SLC48A1: variants seen among roughly 807,000 people sequenced by gnomAD.
SLC48A1 encodes solute carrier family 48 member 1.
A neutral mutation model predicts 14.8 loss-of-function variants in SLC48A1; 6 were observed. That is an observed-to-expected ratio of 0.41 (90% confidence interval 0.22 to 0.80). The LOEUF is 0.80. Ranked by LOEUF, SLC48A1 falls within the 30% of genes least tolerant of loss-of-function variation. The pLI is 0.34. For synonymous variants in SLC48A1, 89 were observed against 90.0 expected (o/e 0.99, Z 0.06); for missense variants, 165 against 204.8 (o/e 0.81, Z 1.19).
Position 47,779,108 on chromosome 12 carries a change from G to C in SLC48A1, c.217G>C (p.Gly73Arg), listed in dbSNP as rs760825825. ...GAGGACCTGGCTCAAGGGGCTGCGCGGCTTCTTCTTCGTGGGCGTCCTCTT... is the reference window on the plus strand; with the variant it reads ...GAGGACCTGGCTCAAGGGGCTGCGCCGCTTCTTCTTCGTGGGCGTCCTCTT... ...YWRTWLKGLRGFFFVGVLFSA... is the reference protein window; with the variant it reads ...YWRTWLKGLRRFFFVGVLFSA... Residue 73 changes from glycine (G) to arginine (R), a missense_variant, in exon 2 of 3, where the codon GGC (glycine) becomes CGC (arginine). Coordinates refer to ENST00000442218, the MANE Select transcript of SLC48A1 (RefSeq NM_017842.3). 6.4e-7 allele frequency: 1 copy of C among 1,551,742 alleles called. No individual in the cohort carries two copies. The highest frequency in any genetic ancestry group is 8.7e-7 in the Non-Finnish European group (1 of 1,147,054).
chr12:47,768,079 G>A (rs1028236224), upstream of SLC48A1, among the ~76,000 whole-genome samples: 2 of 152,180 alleles, frequency 1.3e-5, no homozygotes, highest in Non-Finnish European at 2.9e-5. Flanking sequence ...CCAGGTTCAA[G>A]TGATTCTCCT....
chr12:47,757,734 G>T, upstream of SLC48A1: 1 of 835,894 alleles, frequency 1.2e-6, no homozygotes, highest in Non-Finnish European at 1.8e-6. Context: ...TCCTGACCCA[G>T]TGTCCACGGC....
upstream of SLC48A1, among the ~76,000 whole-genome samples, chr12:47,771,368 A>C (rs79638179): frequency 1.0e-2 from 1,522 of 152,322 alleles, 54 homozygotes; most frequent in East Asian, 0.15. Context: ...GATGTGAACA[A>C]AACTGGCACT....
In SLC48A1 at chr12:47,777,765, A is replaced by G. The variant is rs1192456852; in HGVS notation, c.137-1263A>G. On this transcript the variant is annotated intron_variant, in intron 1 of 2. Coordinates refer to ENST00000442218, the MANE Select transcript of SLC48A1 (RefSeq NM_017842.3). The surrounding 1 kb of genome is among the most constrained non-coding windows in gnomAD (Gnocchi z 4.5). ...CCTGAGAAAACAGCGTAGATAAAAT[A>G]GCATAGATTTCCCACCCAGCCTAAG... Among the ~76,000 whole-genome samples, 2 of 152,372 alleles carry G rather than the reference A, an allele frequency of 1.3e-5. No individual in the cohort carries two copies. The highest frequency in any genetic ancestry group is 1.9e-4 in the East Asian group (1 of 5,190).
At chr12:47,758,149 C>A, upstream of SLC48A1, 2 of 1,505,840 alleles carry the variant, frequency 1.3e-6, no homozygotes, top group South Asian at 1.3e-5. Context: ...TACAACTGCC[C>A]CAGGCAGAAC....
chr12:47,776,278 C>G (rs1942752079), intron 1 of SLC48A1, among the ~76,000 whole-genome samples: 1 of 152,248 alleles, frequency 6.6e-6, no homozygotes, highest in African/African-American at 2.4e-5. Context: ...GCTCACATGG[C>G]TAAGCAGGGG....
chr12:47,776,594 T>G (rs577620743), intron 1 of SLC48A1, among the ~76,000 whole-genome samples: 3 of 152,160 alleles, frequency 2.0e-5, no homozygotes, highest in Admixed American at 1.3e-4. Context: ...ACACTTGATG[T>G]GTGTTTATCT....
At position 47,780,285 on chromosome 12, in the gene SLC48A1, A is replaced by C. The variant is rs911955835; in HGVS notation, c.*4A>C. 2 of 1,614,182 alleles carry C rather than the reference A, an allele frequency of 1.2e-6. No individual in the cohort carries two copies. On this transcript the variant is annotated 3_prime_UTR_variant, in exon 3 of 3. Coordinates refer to ENST00000442218, the MANE Select transcript of SLC48A1 (RefSeq NM_017842.3). ...CAGCATCCTCAGCGATTTCTGACCC[A>C]GGGGGTGAGGTCTCTGCACCCTGGG...
intron 2 of SLC48A1, chr12:47,760,515 C>A: frequency 1.9e-6 from 1 of 518,476 alleles, no homozygotes; most frequent in Non-Finnish European, 2.5e-6. Context: ...AGTTGGGTCA[C>A]AAAGGGGTCC....
At chr12:47,757,681 C>A (rs753471731), upstream of SLC48A1, among the ~76,000 whole-genome samples, 1 of 152,168 alleles carries the variant, frequency 6.6e-6, no homozygotes, top group Non-Finnish European at 1.5e-5. Flanking sequence ...GACACACACA[C>A]GTTGCAGCTG....
chr12:47,763,588 C>A (rs11830037), intron 2 of SLC48A1, among the ~76,000 whole-genome samples: 11,557 of 152,224 alleles, frequency 0.076, 510 homozygotes, highest in South Asian at 0.2. Flanking sequence ...CCCGCTCCAT[C>A]CCCCAAGGGC....
chr12:47,758,020 G>A (rs754346610), upstream of SLC48A1: 60 of 1,576,240 alleles, frequency 3.8e-5, no homozygotes, highest in Non-Finnish European at 4.7e-5. Context: ...TGCTCCCAGA[G>A]CTGGGCTATC....
upstream of SLC48A1, chr12:47,773,221 C>T (rs986068761): frequency 8.2e-6 from 9 of 1,095,126 alleles, no homozygotes; most frequent in African/African-American, 5.0e-5. Flanking sequence ...CTGGCGGCTC[C>T]CGCGGCTCCG....
chr12:47,774,648 A>T (rs1347383101), intron 1 of SLC48A1, among the ~76,000 whole-genome samples: 2 of 152,168 alleles, frequency 1.3e-5, no homozygotes, highest in Non-Finnish European at 2.9e-5. Context: ...GAGTCGCAGC[A>T]TGAGGTGGGG....
At chr12:47,765,065 A>T in intron 2 of SLC48A1, among the ~76,000 whole-genome samples, 1 of 121,548 alleles carries the variant, frequency 8.2e-6, no homozygotes, top group South Asian at 3.0e-4. Context: ...CAACAGAGTG[A>T]GACTCTGTCT....
At position 47,773,411 on chromosome 12, in the gene SLC48A1, C is replaced by T. The variant is rs748734372; in HGVS notation, c.107C>T (p.Pro36Leu). 302 of 1,446,292 alleles carry T rather than the reference C, an allele frequency of 2.1e-4. 2 individuals are homozygous for T. In the African/African-American group the frequency reaches 3.8e-3, roughly 18 times the overall value. 89.6% of individuals were successfully genotyped at this position (1,446,292 alleles called of 1,614,324 possible). ...FLVWTVVYRQ[P>L]GTAAMGGLAG... The stretch of plus-strand genomic sequence containing the variant: ...GTCTGGACGGTGGTCTACCGACAGC[C>T]GGGGACCGCGGCCATGGGAGGGCTC... Residue 36 changes from proline to leucine, a missense_variant, in exon 1 of 3, where the codon CCG (proline) becomes CTG (leucine). Pro to Leu is a moderately conservative substitution (Grantham distance 98, BLOSUM62 -3). Transcript: ENST00000442218.
Position 47,780,398 on chromosome 12 carries a change from C to A in SLC48A1, c.*117C>A. ...GACCCCAGAACTGTGGCAGAAAATA[C>A]ACAGCAGGACGAGTGTGGTCTCCCA... On this transcript the variant is annotated 3_prime_UTR_variant, in exon 3 of 3. Transcript: ENST00000442218. 2 of 1,481,670 alleles carry A rather than the reference C, an allele frequency of 1.3e-6. No homozygotes were observed. Among genetic ancestry groups the A allele is most frequent in the African/African-American group, 1.4e-5 (1 of 72,266 alleles). The allele number at this position is 1,481,670 out of a possible 1,614,324, so 91.8% of individuals were successfully genotyped here.
chr12:47,767,330 C>G (rs1273818911), upstream of SLC48A1, among the ~76,000 whole-genome samples: 3 of 152,138 alleles, frequency 2.0e-5, no homozygotes, highest in East Asian at 1.9e-4. Context: ...AAGGCTGCCC[C>G]CTAGAGCCAG....
upstream of SLC48A1, chr12:47,768,745 T>C (rs1352804312): frequency 6.6e-6 from 1 of 152,184 alleles, no homozygotes; most frequent in Non-Finnish European, 1.5e-5. Flanking sequence ...TGTCTGCAGA[T>C]GGGGAATTAG....
Sources: gnomAD v4.1 joint callset for allele counts (sites outside exome capture counted in the v4.1 genomes callset) on GRCh38, gnomAD v4.1.1 for gene constraint, Gnocchi (gnomAD v3.1) non-coding constraint, MANE v1.5 for transcripts, NCBI Gene and HGNC (gene_info 2026-07-23, HGNC 2026-07-21) for gene names.